Variants in KDM4B observed in about 807,000 individuals in gnomAD.
KDM4B encodes the protein lysine demethylase 4B, also known as lysine-specific demethylase 4B.
KDM4B carries 32 observed loss-of-function variants against 125.2 expected under a neutral mutation model. The ratio of observed to expected loss-of-function variants is 0.26; its 90% CI spans 0.19 to 0.34. The LOEUF (loss-of-function observed/expected upper bound fraction) is 0.34. Among genes scored for constraint, KDM4B ranks in the 10% least tolerant of loss-of-function variants. The pLI, the probability that KDM4B is intolerant of heterozygous loss-of-function variation, is 1.00. For synonymous variants in KDM4B, 721 were observed against 677.9 expected, an observed-to-expected ratio of 1.06 and a Z score of -0.99; for missense variants, 1,190 against 1,577.7, an observed-to-expected ratio of 0.75 and a Z score of 4.16.
intron 1 of KDM4B, among the ~76,000 whole-genome samples, chr19:4,995,136 T>C (rs2035158695): frequency 6.6e-6 from 1 of 152,152 alleles, no homozygotes; most frequent in African/African-American, 2.4e-5. Flanking sequence ...ATCAAAACCA[T>C]TTGGAGACCC....
At chr19:5,132,372 G>A (rs531987435) in intron 13 of KDM4B, among the ~76,000 whole-genome samples, 1 of 152,306 alleles carries the variant, frequency 6.6e-6, no homozygotes, top group Admixed American at 6.5e-5. Context: ...TGAGTGGGAG[G>A]GGAGGAGATG....
Position 5,114,993 on chromosome 19 carries a change from C to A in KDM4B, c.1115+4175C>A, listed in dbSNP as rs550537114. Reference sequence around the variant, plus strand: ...AGTGCTTATTTATCTCCACTCTCTCCTGAAACGCCACTGAAACACCAGAGA... The same window carrying A: ...AGTGCTTATTTATCTCCACTCTCTCATGAAACGCCACTGAAACACCAGAGA... On this transcript the variant is annotated intron_variant, in intron 10 of 22. Transcript: ENST00000159111. The surrounding 1 kb of genome is among the most constrained non-coding windows in gnomAD (Gnocchi z 5.8). Among the ~76,000 whole-genome samples the A allele has an allele frequency of 4.2e-4, 64 of 152,356 alleles. 1 individual carries two copies. The highest frequency in any genetic ancestry group is 1.5e-3 in the African/African-American group (64 of 41,570).
At chr19:5,052,550 C>T (rs2037263321) in intron 6 of KDM4B, among the ~76,000 whole-genome samples, 1 of 152,178 alleles carries the variant, frequency 6.6e-6, no homozygotes, top group African/African-American at 2.4e-5. Context: ...CTCTGCTGCC[C>T]GCCTAACTGC....
chr19:5,044,718 A>G lies in KDM4B; in HGVS notation c.433-2758A>G, dbSNP rs969580701. 3.9e-5 allele frequency among the ~76,000 whole-genome samples: 6 copies of G among 151,962 alleles called. No individual in the cohort carries two copies. In the East Asian group the frequency reaches 9.7e-4, roughly 25 times the overall value. On this transcript the variant is annotated intron_variant, in intron 5 of 22. Transcript: ENST00000159111. ...TCACATGGAGTCATCCCACCACTCT[A>G]ATGATCCCCTGAGCTCCCCCTCGTC...
intron 4 of KDM4B, among the ~76,000 whole-genome samples, chr19:5,040,488 C>T (rs1221963987): frequency 6.6e-6 from 1 of 152,126 alleles, no homozygotes; most frequent in Non-Finnish European, 1.5e-5. Flanking sequence ...CGTTTCTACA[C>T]AGGGACACAC....
intron 2 of KDM4B, among the ~76,000 whole-genome samples, chr19:5,026,044 A>G (rs2036267923): frequency 6.6e-6 from 1 of 151,778 alleles, no homozygotes; most frequent in East Asian, 2.0e-4. Flanking sequence ...CACCACACCC[A>G]GCTAATGTTT....
rs537961496 is a variant in KDM4B, at chr19:5,144,978, C to T, written c.3021+76C>T. 1.9e-6 allele frequency: 3 copies of T among 1,588,168 alleles called. No homozygotes were observed. The African/African-American group carries it at 4.1e-5, about 22-fold the overall frequency. Reference sequence around the variant, plus strand: ...TAGGTGCGGGGACAGGAGGATCACACCCCTGGCCCAGGTGCCTTTGCCTGG... The same window carrying T: ...TAGGTGCGGGGACAGGAGGATCACATCCCTGGCCCAGGTGCCTTTGCCTGG... On this transcript the variant is annotated intron_variant, in intron 21 of 22. Transcript: ENST00000159111.
rs1324692119 is a variant in KDM4B at position 4,997,760 on chromosome 19, G to C, written c.-108-18497G>C. ...TGGGGGCTCCAGGACCTCGTCATCA[G>C]CCTCTTCATCCTTACTGTCTGGTCT... On this transcript the variant is annotated intron_variant, in intron 1 of 22. Coordinates refer to ENST00000159111, the MANE Select transcript of KDM4B (RefSeq NM_015015.3). The surrounding 1 kb of genome is among the most constrained non-coding windows in gnomAD (Gnocchi z 4.2). Among the ~76,000 whole-genome samples the C allele has an allele frequency of 6.6e-6, 1 of 152,204 alleles. No homozygotes were observed. The highest frequency in any genetic ancestry group is 1.9e-4 in the East Asian group (1 of 5,192).
intron 6 of KDM4B, among the ~76,000 whole-genome samples, chr19:5,065,057 G>A (rs1003162894): frequency 2.0e-5 from 3 of 152,242 alleles, no homozygotes; most frequent in African/African-American, 7.2e-5. Context: ...GGCAGGCGGG[G>A]TCCCTGGGGG....
At chr19:4,988,715 G>A (rs1451288097) in intron 1 of KDM4B, among the ~76,000 whole-genome samples, 1 of 152,178 alleles carries the variant, frequency 6.6e-6, no homozygotes, top group Non-Finnish European at 1.5e-5. Flanking sequence ...GATGTGGGAA[G>A]GGGCACAGAG....
chr19:5,104,350 T>G (rs2038995577), intron 9 of KDM4B, among the ~76,000 whole-genome samples: 1 of 152,246 alleles, frequency 6.6e-6, no homozygotes, highest in African/African-American at 2.4e-5. Context: ...CTACATTAAT[T>G]CAGACTCATT....
At chr19:5,136,750 G>C (rs1348859471) in intron 15 of KDM4B, among the ~76,000 whole-genome samples, 1 of 152,218 alleles carries the variant, frequency 6.6e-6, no homozygotes, top group African/African-American at 2.4e-5. Flanking sequence ...ACTGGGGGCA[G>C]TGATCCCCAG....
chr19:5,119,627 C>A (rs1311987433), intron 10 of KDM4B, 26 bp from the exon 11 acceptor site: 1 of 1,549,046 alleles, frequency 6.5e-7, no homozygotes, highest in Admixed American at 2.0e-5. Context: ...GGTCTCCCCT[C>A]CTGCCTGATA....
chr19:4,972,067 G>C (rs148820977), intron 1 of KDM4B, among the ~76,000 whole-genome samples: 1 of 152,220 alleles, frequency 6.6e-6, no homozygotes, highest in East Asian at 1.9e-4. Context: ...GAGGCAGCTC[G>C]ATGGGGTCTT....
intron 1 of KDM4B, among the ~76,000 whole-genome samples, chr19:4,981,749 TG>T (rs2034650909): frequency 6.6e-6 from 1 of 152,166 alleles, no homozygotes; most frequent in African/African-American, 2.4e-5. Flanking sequence ...GCTCTCCCTG[TG>T]GGGACAGTGA....
At chr19:5,134,953 G>A (rs922289061) in intron 14 of KDM4B, among the ~76,000 whole-genome samples, 1 of 152,242 alleles carries the variant, frequency 6.6e-6, no homozygotes, top group Non-Finnish European at 1.5e-5. Flanking sequence ...GGCCTGGAAT[G>A]CCACTTCAGA....
At chr19:4,998,907 G>T (rs998716393) in intron 1 of KDM4B, among the ~76,000 whole-genome samples, 2 of 152,188 alleles carry the variant, frequency 1.3e-5, no homozygotes, top group African/African-American at 4.8e-5. Context: ...GTCCTTCTTA[G>T]TGCGCCCTAT....
chr19:5,113,188 C>T (rs1486483454), intron 10 of KDM4B: 3 of 152,164 alleles, frequency 2.0e-5, no homozygotes, highest in African/African-American at 7.2e-5. Flanking sequence ...ACGACCTGCT[C>T]CTCCCAGGAG....
At position 5,082,192 on chromosome 19, in the gene KDM4B, G is replaced by C. The variant is rs555184062; in HGVS notation, c.781-175G>C. On this transcript the variant is annotated intron_variant, in intron 8 of 22. Transcript: ENST00000159111. The surrounding 1 kb of genome is among the most constrained non-coding windows in gnomAD (Gnocchi z 5.4). ...GCTCACTATGTCCTTCATGAGCCGCGTGGGAAATGGGCTGGAGCCCTGGAG... is the reference window on the plus strand; with the variant it reads ...GCTCACTATGTCCTTCATGAGCCGCCTGGGAAATGGGCTGGAGCCCTGGAG... Among the ~76,000 whole-genome samples, 3 of 152,310 alleles carry C rather than the reference G, an allele frequency of 2.0e-5. No individual in the cohort carries two copies. Among genetic ancestry groups the C allele is most frequent in the South Asian group, 4.1e-4 (2 of 4,826 alleles).
Sources: gnomAD v4.1 joint callset for allele counts (sites outside exome capture counted in the v4.1 genomes callset) on GRCh38, gnomAD v4.1.1 for gene constraint, Gnocchi (gnomAD v3.1) non-coding constraint, MANE v1.5 for transcripts, NCBI Gene and HGNC (gene_info 2026-07-23, HGNC 2026-07-21) for gene names.